PFKFB3: variants seen among roughly 807,000 people sequenced by gnomAD.
PFKFB3 encodes the protein 6-phosphofructo-2-kinase/fructose-2,6-bisphosphatase 3.
A neutral mutation model predicts 68.0 loss-of-function variants in PFKFB3; 33 were observed. The ratio of observed to expected loss-of-function variants is 0.49; its 90% CI spans 0.37 to 0.65. The LOEUF (loss-of-function observed/expected upper bound fraction) is 0.65, where lower values mean the gene tolerates loss of function less well. PFKFB3 is among the 30% of genes least tolerant of loss of function. The pLI is 0.00. For synonymous variants in PFKFB3, 315 were observed against 288.2 expected (o/e 1.09, Z -0.94); for missense variants, 586 against 712.2 (o/e 0.82, Z 2.02).
At chr10:6,156,707 C>A (rs147475123) in intron 1 of PFKFB3, among the ~76,000 whole-genome samples, 1 of 148,956 alleles carries the variant, frequency 6.7e-6, no homozygotes, top group African/African-American at 2.5e-5. Flanking sequence ...AGGCTGGTCT[C>A]GAATCCCTGA....
chr10:6,189,081 C>T (rs1486505869), intron 1 of PFKFB3, among the ~76,000 whole-genome samples: 5 of 152,090 alleles, frequency 3.3e-5, no homozygotes, highest in Non-Finnish European at 5.9e-5. Context: ...CCTCGTGATC[C>T]GCCCGCCTTG....
At chr10:6,168,896 G>A (rs629298) in intron 1 of PFKFB3, among the ~76,000 whole-genome samples, 29,300 of 152,082 alleles carry the variant, frequency 0.19, 3,294 homozygotes, top group Non-Finnish European at 0.26. Flanking sequence ...CTCCTAAAGT[G>A]GTCCTTCGTT....
chr10:6,276,838 T>TTGTGTGTG, the PFKFB3 span, among the ~76,000 whole-genome samples: 47,542 of 147,032 alleles, frequency 0.32, 9,051 homozygotes, highest in Middle Eastern at 0.46. Context: ...TTATATGTAT[T>TTGTGTGTG]TGTGTGTGTG....
At chr10:6,278,064 T>C in the PFKFB3 span, among the ~76,000 whole-genome samples, 144,826 of 152,010 alleles carry the variant, frequency 0.95, 69,387 homozygotes, top group East Asian at 1. Flanking sequence ...ACTACAGGCA[T>C]GTACCACCAC....
At chr10:6,166,552 T>C (rs1842145142) in intron 1 of PFKFB3, among the ~76,000 whole-genome samples, 1 of 152,188 alleles carries the variant, frequency 6.6e-6, no homozygotes, top group African/African-American at 2.4e-5. Flanking sequence ...CCCAGCCCTG[T>C]TGAGCTTTGT....
Position 6,214,888 on chromosome 10 carries a change from C to T in PFKFB3, c.203-333C>T, listed in dbSNP as rs536281147. ...ATGTGTTGTCCCTATTTTTGCTAGA[C>T]TTGGGGCCTCCCCCCACCCATCCTC... On this transcript the variant is annotated intron_variant, in intron 2 of 14. Coordinates refer to ENST00000379775, the MANE Select transcript of PFKFB3 (RefSeq NM_004566.4). Among the ~76,000 whole-genome samples, 13 of 152,332 alleles carry T rather than the reference C, an allele frequency of 8.5e-5. No homozygotes were observed. In the East Asian group the frequency reaches 2.5e-3, roughly 29 times the overall value.
At chr10:6,159,510 A>G (rs920724411) in intron 1 of PFKFB3, among the ~76,000 whole-genome samples, 1 of 151,746 alleles carries the variant, frequency 6.6e-6, no homozygotes, top group African/African-American at 2.4e-5. Context: ...ACCAGCTGTC[A>G]AGAAACCCGT....
At chr10:6,263,102 C>T in the PFKFB3 span, among the ~76,000 whole-genome samples, 41 of 152,278 alleles carry the variant, frequency 2.7e-4, 1 homozygote, top group East Asian at 7.3e-3. Flanking sequence ...CCGAGAGCCC[C>T]GAACAGAGAT....
At chr10:6,236,383 C>T (rs1191218965), downstream of PFKFB3, among the ~76,000 whole-genome samples, 1 of 152,208 alleles carries the variant, frequency 6.6e-6, no homozygotes, top group Non-Finnish European at 1.5e-5. Context: ...TGGAGTGGTT[C>T]CTTCTGCAGC....
chr10:6,251,622 C>T (rs1588570873), intron 14 of PFKFB3, among the ~76,000 whole-genome samples: 1 of 152,030 alleles, frequency 6.6e-6, no homozygotes, highest in Admixed American at 6.6e-5. Context: ...TTTAGGAGAA[C>T]AGGGATGTGT....
At chr10:6,293,728 T>G in the PFKFB3 span, 1 of 337,448 alleles carries the variant, frequency 3.0e-6, no homozygotes, top group East Asian at 7.3e-5. Context: ...GGGCCTGTCA[T>G]GAATGGACGT....
chr10:6,158,077 AG>A (rs755470451), intron 1 of PFKFB3, among the ~76,000 whole-genome samples: 2 of 151,760 alleles, frequency 1.3e-5, no homozygotes, highest in Non-Finnish European at 2.9e-5. Flanking sequence ...CGAGGTCAGG[AG>A]ATCGAGACCA....
chr10:6,173,670 TG>T (rs1244739231), intron 1 of PFKFB3, among the ~76,000 whole-genome samples: 7 of 150,930 alleles, frequency 4.6e-5, no homozygotes, highest in Non-Finnish European at 8.9e-5. Flanking sequence ...TCCAGAGATC[TG>T]GGGGGCTAGG....
At chr10:6,256,608 C>T (rs1029136914), downstream of PFKFB3, among the ~76,000 whole-genome samples, 1 of 152,204 alleles carries the variant, frequency 6.6e-6, no homozygotes, top group East Asian at 1.9e-4. Flanking sequence ...GGTCTGACTT[C>T]ATTCATTGCC....
At chr10:6,206,791 A>T (rs543118190) in intron 1 of PFKFB3, among the ~76,000 whole-genome samples, 5 of 104,036 alleles carry the variant, frequency 4.8e-5, no homozygotes, top group African/African-American at 1.6e-4. Flanking sequence ...GGGTCCTCAC[A>T]TCCCAGACGA....
the PFKFB3 span, among the ~76,000 whole-genome samples, chr10:6,305,357 T>G: frequency 1.4e-5 from 2 of 145,294 alleles, no homozygotes; most frequent in Non-Finnish European, 3.0e-5. Context: ...ATTTTTTTTT[T>G]TTTAGTAGAG....
intron 11 of PFKFB3, 82 bp downstream of exon 11, chr10:6,223,066 G>A: frequency 3.4e-6 from 5 of 1,450,870 alleles, no homozygotes; most frequent in Non-Finnish European, 3.7e-6. Context: ...GACCTGCCGT[G>A]GCCTGCCCTG....
chr10:6,203,154 C>G lies in PFKFB3; in HGVS notation c.-107C>G. ...GCGCAGGAAACGCCCGGCCGCGCGC[C>G]GGCGCACGCCCCCCTCTCCTCCTTT... On this transcript the variant is annotated 5_prime_UTR_variant, in exon 1 of 15. Transcript: ENST00000379775. 6.6e-7 allele frequency: 1 copy of G among 1,506,440 alleles called. No individual in the cohort carries two copies. Among genetic ancestry groups the G allele is most frequent in the Non-Finnish European group, 8.8e-7 (1 of 1,130,338 alleles). The allele number at this position is 1,506,440 out of a possible 1,614,324, so 93.3% of individuals were successfully genotyped here.
At position 6,222,992 on chromosome 10, in the gene PFKFB3, G is replaced by A. The variant is rs143309452; in HGVS notation, c.1213+8G>A. 1.3e-3 allele frequency: 2,046 copies of A among 1,611,250 alleles called. 26 individuals are homozygous for A. The African/African-American group carries it at 0.025, about 19-fold the overall frequency. Reference sequence around the variant, plus strand: ...TCCTGGATAAGAGTGCAGGTACCTCGGGCAGGTCGTGGCCCCGGGATGGAG... The same window carrying A: ...TCCTGGATAAGAGTGCAGGTACCTCAGGCAGGTCGTGGCCCCGGGATGGAG... On this transcript the variant is annotated splice_region_variant and intron_variant, in intron 11 of 14. Coordinates refer to ENST00000379775, the MANE Select transcript of PFKFB3 (RefSeq NM_004566.4).
Sources: allele counts gnomAD v4.1 joint callset (sites outside exome capture counted in the v4.1 genomes callset), GRCh38; gene constraint gnomAD v4.1.1; transcripts MANE v1.5; gene names NCBI Gene and HGNC (gene_info 2026-07-23, HGNC 2026-07-21).